The following MMUT variants were observed in gnomAD, a reference collection of about 807,000 sequenced individuals.
MMUT encodes the protein methylmalonyl-CoA mutase, mitochondrial.
In MMUT, 79 loss-of-function variants were observed where a neutral mutation model predicts 79.9. That is an observed-to-expected ratio of 0.99 (90% confidence interval 0.82 to 1.19). MMUT has a LOEUF of 1.19. Among genes scored for constraint, MMUT ranks in the 50% most tolerant of loss-of-function variants. The pLI is 0.00. For missense variants in MMUT, 860 were observed against 917.2 expected, an observed-to-expected ratio of 0.94 and a Z score of 0.81; for synonymous variants, 273 against 295.7, an observed-to-expected ratio of 0.92 and a Z score of 0.79.
At chr6:49,450,854 A>C (rs890186749) in intron 6 of MMUT, among the ~76,000 whole-genome samples, 7 of 152,320 alleles carry the variant, frequency 4.6e-5, no homozygotes, top group Admixed American at 2.0e-4. Flanking sequence ...GGCAAAGAGG[A>C]GTCAAAGAAC....
At position 49,435,470 on chromosome 6, in the gene MMUT, C is replaced by A; in HGVS notation, c.2110G>T (p.Val704Leu). Residue 704 changes from valine (V) to leucine (L), a missense_variant, in exon 12 of 13, where the codon GTG becomes TTG. By Grantham distance (32) the Val-to-Leu change is conservative (BLOSUM62 1). Coordinates refer to ENST00000274813, the MANE Select transcript of MMUT (RefSeq NM_000255.4). ...ATAAAAAATACCTGAGGTGGTATCA[C>A]CCCTCCACACATGACAAGAATATCT... is the stretch of plus-strand genomic sequence containing the variant. ...RPDILVMCGG[V>L]IPPQDYEFLF... 1 of 1,613,924 alleles carries A rather than the reference C, an allele frequency of 6.2e-7. No individual in the cohort carries two copies. Among genetic ancestry groups the A allele is most frequent in the African/African-American group, 1.3e-5 (1 of 75,040 alleles).
In MMUT at chr6:49,431,516, G is replaced by A. The variant is rs1215740769; in HGVS notation, c.*212C>T. 2 of 443,918 alleles carry A rather than the reference G, an allele frequency of 4.5e-6. No individual in the cohort carries two copies. The highest frequency in any genetic ancestry group is 4.1e-6 in the Non-Finnish European group (1 of 245,222). 27.5% of individuals were successfully genotyped at this position (443,918 alleles called of 1,614,324 possible). On this transcript the variant is annotated 3_prime_UTR_variant, in exon 13 of 13. Coordinates refer to ENST00000274813, the MANE Select transcript of MMUT (RefSeq NM_000255.4). Reference sequence around the variant, plus strand: ...AGTATTGTTATAGAGAGTATAGAGAGTTTTTAGGGATTTTTTTTTTATTTT... The same window carrying A: ...AGTATTGTTATAGAGAGTATAGAGAATTTTTAGGGATTTTTTTTTTATTTT...
intron 4 of MMUT, among the ~76,000 whole-genome samples, chr6:49,454,213 C>T (rs982457114): frequency 1.3e-5 from 2 of 152,192 alleles, no homozygotes; most frequent in African/African-American, 4.8e-5. Context: ...CCCTTCACCT[C>T]TCCCTTTTAT....
chr6:49,461,475 C>T (rs538204911), intron 1 of MMUT, among the ~76,000 whole-genome samples: 1 of 152,164 alleles, frequency 6.6e-6, no homozygotes, highest in South Asian at 2.1e-4. Context: ...TAAATGGAAA[C>T]ATAACAAAAA....
chr6:49,436,870 T>C (rs557286017), intron 11 of MMUT, among the ~76,000 whole-genome samples: 18 of 151,998 alleles, frequency 1.2e-4, no homozygotes, highest in Non-Finnish European at 2.4e-4. Context: ...TTTCTTATAA[T>C]TGGGAGCTAA....
chr6:49,438,936 C>T (rs1442933164), intron 11 of MMUT, among the ~76,000 whole-genome samples: 1 of 152,138 alleles, frequency 6.6e-6, no homozygotes, highest in Non-Finnish European at 1.5e-5. Context: ...CTCCTTGCTC[C>T]TCAGCCTGCA....
intron 2 of MMUT, among the ~76,000 whole-genome samples, chr6:49,458,750 T>A (rs1381460569): frequency 6.6e-6 from 1 of 152,242 alleles, no homozygotes; most frequent in African/African-American, 2.4e-5. Context: ...TCATCTAAAC[T>A]ATCTTCCTCT....
intron 1 of MMUT, among the ~76,000 whole-genome samples, chr6:49,462,437 A>G (rs530448617): frequency 1.3e-5 from 2 of 152,346 alleles, no homozygotes; most frequent in African/African-American, 4.8e-5. Flanking sequence ...TGATATTAGC[A>G]TAAGTACATC....
intron 7 of MMUT, among the ~76,000 whole-genome samples, chr6:49,448,246 C>T (rs1001843380): frequency 4.6e-5 from 7 of 151,812 alleles, no homozygotes; most frequent in African/African-American, 1.5e-4. Context: ...TATATTTTAC[C>T]TCAAACTACC....
At chr6:49,440,694 A>AAAGCC (rs1767252117) in intron 10 of MMUT, among the ~76,000 whole-genome samples, 2 of 152,138 alleles carry the variant, frequency 1.3e-5, no homozygotes, top group Non-Finnish European at 2.9e-5. Flanking sequence ...GAGCTCCATT[A>AAAGCC]AAGCCATTTC....
At chr6:49,442,258 G>C (rs1434599223) in intron 9 of MMUT, among the ~76,000 whole-genome samples, 1 of 151,976 alleles carries the variant, frequency 6.6e-6, no homozygotes, top group Non-Finnish European at 1.5e-5. Context: ...GAAGGTTGCT[G>C]AATAATTCAC....
Position 49,448,893 on chromosome 6 carries a change from G to T in MMUT, c.1367C>A (p.Ala456Asp). 1 of 1,613,220 alleles carries T rather than the reference G, an allele frequency of 6.2e-7. No homozygotes were observed. Among genetic ancestry groups the T allele is most frequent in the Non-Finnish European group, 8.5e-7 (1 of 1,179,528 alleles). ...INEIEEMGGMAKAVAEGIPKL... is the reference protein window; with the variant it reads ...INEIEEMGGMDKAVAEGIPKL... ...AGGTATTCCCTCAGCTACAGCTTTG[G>T]CCATTCCACCCATTTCTTCAATTTC... is the stretch of plus-strand genomic sequence containing the variant. Residue 456 changes from alanine (A) to aspartate (D), a missense_variant, in exon 7 of 13, where the codon GCC (alanine) becomes GAC (aspartate). Ala to Asp is a moderately radical substitution (Grantham distance 126, BLOSUM62 -2). Coordinates refer to ENST00000274813, the MANE Select transcript of MMUT (RefSeq NM_000255.4).
At position 49,459,498 on chromosome 6, in the gene MMUT, G is replaced by T; in HGVS notation, c.-32C>A. On this transcript the variant is annotated 5_prime_UTR_variant, in exon 2 of 13. Transcript: ENST00000274813. ...GCATGGAAACACCCAATAGAAATAAGAACTGACCTAGAAAAAGAAACATAG... is the reference window on the plus strand; with the variant it reads ...GCATGGAAACACCCAATAGAAATAATAACTGACCTAGAAAAAGAAACATAG... 1 of 1,602,062 alleles carries T rather than the reference G, an allele frequency of 6.2e-7. No individual in the cohort carries two copies. Among genetic ancestry groups the T allele is most frequent in the Non-Finnish European group, 8.5e-7 (1 of 1,179,164 alleles).
intron 8 of MMUT, among the ~76,000 whole-genome samples, chr6:49,445,679 T>C (rs976508879): frequency 1.3e-5 from 2 of 152,084 alleles, no homozygotes; most frequent in Non-Finnish European, 2.9e-5. Context: ...GTTGTTATAG[T>C]GTATGGTTTA....
rs1396844853 is a variant in MMUT at position 49,453,533 on chromosome 6, AATAT to A, written c.1083+48_1083+51del. Reference sequence around the variant, plus strand: ...TGCTTGTGCCACATTGCTCAGAAAAAATATATATATATAACTTTATTAAAATTCT... The same window carrying A: ...TGCTTGTGCCACATTGCTCAGAAAAAATATATATAACTTTATTAAAATTCT... On this transcript the variant is annotated intron_variant, in intron 5 of 12. Coordinates refer to ENST00000274813, the MANE Select transcript of MMUT (RefSeq NM_000255.4). 2 of 1,024,956 alleles carry A rather than the reference AATAT, an allele frequency of 2.0e-6. 1 individual carries two copies. The highest frequency in any genetic ancestry group is 2.7e-6 in the Non-Finnish European group (2 of 749,294). 63.5% of individuals were successfully genotyped at this position (1,024,956 alleles called of 1,614,324 possible). A position where few individuals can be genotyped will look rare whatever the true frequency, so the allele number is the denominator to read the frequency against.
chr6:49,445,262 G>A (rs1767382577), intron 8 of MMUT, among the ~76,000 whole-genome samples: 1 of 152,010 alleles, frequency 6.6e-6, no homozygotes, highest in Non-Finnish European at 1.5e-5. Flanking sequence ...GCGAAAGAGG[G>A]ACTAAGAAAA....
Position 49,431,583 on chromosome 6 carries a change from G to C in MMUT, c.*145C>G. ...GTACATACTTATAGCATGACACCAG[G>C]CCTATAAGTAAGGTATTTTAAAGTA... is the stretch of plus-strand genomic sequence containing the variant. On this transcript the variant is annotated 3_prime_UTR_variant, in exon 13 of 13. Coordinates refer to ENST00000274813, the MANE Select transcript of MMUT (RefSeq NM_000255.4). 1.3e-6 allele frequency: 1 copy of C among 777,704 alleles called. No homozygotes were observed. Among genetic ancestry groups the C allele is most frequent in the Non-Finnish European group, 2.1e-6 (1 of 478,188 alleles). 48.2% of individuals were successfully genotyped at this position (777,704 alleles called of 1,614,324 possible).
At chr6:49,438,783 C>T (rs941236070) in intron 11 of MMUT, among the ~76,000 whole-genome samples, 30 of 151,932 alleles carry the variant, frequency 2.0e-4, no homozygotes, top group African/African-American at 6.0e-4. Context: ...AGCTGCCAGG[C>T]GTGGCTAGAA....
rs60947232 is a variant in MMUT at position 49,432,332 on chromosome 6, A to AT, written c.2125-477dup. ...ATTTTCTATAAATGAAAATAAGCCC[A>AT]TTTTTTTTTTCATTCTCTGTTGCTG... On this transcript the variant is annotated intron_variant, in intron 12 of 12. Transcript: ENST00000274813. Among the ~76,000 whole-genome samples, 324 of 149,676 alleles carry AT rather than the reference A, an allele frequency of 2.2e-3. 1 individual carries two copies. Among genetic ancestry groups the AT allele is most frequent in the Middle Eastern group, 6.8e-3 (2 of 292 alleles).
Sources: allele counts gnomAD v4.1 joint callset (sites outside exome capture counted in the v4.1 genomes callset), GRCh38; gene constraint gnomAD v4.1.1; transcripts MANE v1.5; gene names NCBI Gene and HGNC (gene_info 2026-07-23, HGNC 2026-07-21).